The following LRRC38 variants were observed in gnomAD, a reference collection of about 807,000 sequenced individuals.
LRRC38 encodes the protein leucine-rich repeat-containing protein 38.
A neutral mutation model predicts 16.4 loss-of-function variants in LRRC38; 5 were observed. That is an observed-to-expected ratio of 0.31 (90% confidence interval 0.16 to 0.64). The LOEUF (loss-of-function observed/expected upper bound fraction) is 0.64. Ranked by LOEUF, LRRC38 falls within the 30% of genes least tolerant of loss-of-function variation. The pLI is 0.80. For synonymous variants in LRRC38, 191 were observed against 190.2 expected (o/e 1.00, Z -0.04); for missense variants, 341 against 401.8 (o/e 0.85, Z 1.29).
chr1:13,484,522 T>A (rs1385295568), intron 1 of LRRC38, among the ~76,000 whole-genome samples: 1 of 152,204 alleles, frequency 6.6e-6, no homozygotes, highest in Admixed American at 6.5e-5. Flanking sequence ...AGCTCCCCTA[T>A]CAGACAGATG....
rs1382369530 is a variant in LRRC38, at chr1:13,512,971, A to T, written c.623T>A (p.Leu208Gln). 1.7e-6 allele frequency: 2 copies of T among 1,171,632 alleles called. No homozygotes were observed. Among genetic ancestry groups the T allele is most frequent in the South Asian group, 2.6e-5 (2 of 76,396 alleles). 72.6% of individuals were successfully genotyped at this position (1,171,632 alleles called of 1,614,324 possible). A position where few individuals can be genotyped will look rare whatever the true frequency, so the allele number is the denominator to read the frequency against. The change falls in exon 1 of 2, where the codon CTG becomes CAG. Residue 208 changes from leucine (L) to glutamine (Q), a missense_variant. Transcript: ENST00000376085. ...TAGCCGGCTCGGCTCACCTTTGGGC[A>T]GTTTGGATGCGTTCTCCTGGATCCA... Reference protein sequence around the residue: ...FSWIQENASKLPKGLDEIQCS... With the variant: ...FSWIQENASKQPKGLDEIQCS...
chr1:13,497,676 C>T lies in LRRC38; in HGVS notation c.631+15287G>A, dbSNP rs112379871. 7.4e-4 allele frequency among the ~76,000 whole-genome samples: 113 copies of T among 152,046 alleles called. 1 individual carries two copies. The highest frequency in any genetic ancestry group is 2.5e-3 in the African/African-American group (104 of 41,474). ...ATGATTAATTTTTCCGTTGATTACACGCTGAAATGACATTTTGGGCCAAGC... is the reference window on the plus strand; with the variant it reads ...ATGATTAATTTTTCCGTTGATTACATGCTGAAATGACATTTTGGGCCAAGC... On this transcript the variant is annotated intron_variant, in intron 1 of 1. Transcript: ENST00000376085.
chr1:13,501,440 A>T lies in LRRC38; in HGVS notation c.631+11523T>A, dbSNP rs911844391. Among the ~76,000 whole-genome samples, 13 of 151,476 alleles carry T rather than the reference A, an allele frequency of 8.6e-5. 1 individual carries two copies. In the South Asian group the frequency reaches 2.7e-3, roughly 31 times the overall value. On this transcript the variant is annotated intron_variant, in intron 1 of 1. Coordinates refer to ENST00000376085, the MANE Select transcript of LRRC38 (RefSeq NM_001010847.2). ...TTTATTTATTTTGAGACGGAATCTC[A>T]CTCTGTTGCCCAGGCTGGGGTGCAG...
rs189418102 is a variant in LRRC38, at chr1:13,500,060, G to A, written c.631+12903C>T. On this transcript the variant is annotated intron_variant, in intron 1 of 1. Coordinates refer to ENST00000376085, the MANE Select transcript of LRRC38 (RefSeq NM_001010847.2). ...GAGGGCAGGAGTTGGAGATCAGCCT[G>A]GCCAGCATGGAGAAACCCCGTCTCT... Among the ~76,000 whole-genome samples the A allele has an allele frequency of 1.3e-3, 205 of 152,124 alleles. 1 individual carries two copies. Among genetic ancestry groups the A allele is most frequent in the African/African-American group, 4.7e-3 (197 of 41,500 alleles).
intron 1 of LRRC38, among the ~76,000 whole-genome samples, chr1:13,492,467 G>A (rs770449766): frequency 5.9e-5 from 9 of 152,230 alleles, no homozygotes; most frequent in African/African-American, 1.9e-4. Flanking sequence ...TTGGGAGGCC[G>A]AGGTGGGTGG....
chr1:13,507,970 C>T (rs1225622047), intron 1 of LRRC38, among the ~76,000 whole-genome samples: 1 of 152,208 alleles, frequency 6.6e-6, no homozygotes, highest in Non-Finnish European at 1.5e-5. Context: ...CTCAGTGGCT[C>T]ACGCCTGTAA....
At chr1:13,485,601 G>A (rs559465862) in intron 1 of LRRC38, among the ~76,000 whole-genome samples, 2 of 152,132 alleles carry the variant, frequency 1.3e-5, no homozygotes, top group South Asian at 4.2e-4. Context: ...GCTTGCACAA[G>A]TTATTGCCGG....
rs183607155 is a variant in LRRC38, at chr1:13,475,996, G to A, written c.735C>T (p.Leu245=). The change falls in exon 2 of 2, where the codon CTC becomes CTT. Residue 245 remains leucine (L), a synonymous_variant. Coordinates refer to ENST00000376085, the MANE Select transcript of LRRC38 (RefSeq NM_001010847.2). This position sits in a 1 kb window ranked among gnomAD's most constrained non-coding sequence, Gnocchi z 4.3. ...SFSECRFSLS[L]TDLCIIIFSG... is the part of the protein sequence containing the mutation. ...AGAAAATGATGATGCAGAGGTCTGT[G>A]AGTGACAGGCTGAACCTACACTCGC... 342 of 1,550,590 alleles carry A rather than the reference G, an allele frequency of 2.2e-4. 6 individuals are homozygous for A. In the Admixed American group the frequency reaches 6.5e-3, roughly 29 times the overall value.
chr1:13,493,166 G>C (rs951344286), intron 1 of LRRC38, among the ~76,000 whole-genome samples: 5 of 150,090 alleles, frequency 3.3e-5, no homozygotes, highest in Non-Finnish European at 5.9e-5. Context: ...AAATCAAGTT[G>C]CTTTTTTTTT....
chr1:13,501,868 T>C (rs1639154528), intron 1 of LRRC38, among the ~76,000 whole-genome samples: 1 of 152,088 alleles, frequency 6.6e-6, no homozygotes, highest in South Asian at 2.1e-4. Flanking sequence ...GTTCACACCA[T>C]TCTCCTGCCT....
chr1:13,475,997 A>G lies in LRRC38; in HGVS notation c.734T>C (p.Leu245Pro), dbSNP rs1462659955. Reference protein sequence around the residue: ...SFSECRFSLSLTDLCIIIFSG... With the variant: ...SFSECRFSLSPTDLCIIIFSG... ...GAAAATGATGATGCAGAGGTCTGTG[A>G]GTGACAGGCTGAACCTACACTCGCT... Residue 245 changes from leucine to proline, a missense_variant, in exon 2 of 2, where the codon CTC (leucine) becomes CCC (proline). Physicochemically the swap from Leu to Pro is moderately conservative, Grantham distance 98. Transcript: ENST00000376085. The surrounding 1 kb of genome is among the most constrained non-coding windows in gnomAD (Gnocchi z 4.3). 12 of 1,550,464 alleles carry G rather than the reference A, an allele frequency of 7.7e-6. No individual in the cohort carries two copies. The highest frequency in any genetic ancestry group is 1.4e-5 in the African/African-American group (1 of 73,034).
At chr1:13,498,702 C>T (rs1039099730) in intron 1 of LRRC38, among the ~76,000 whole-genome samples, 3 of 152,168 alleles carry the variant, frequency 2.0e-5, no homozygotes, top group Non-Finnish European at 4.4e-5. Flanking sequence ...GAGGCTGTAA[C>T]CCACTCCCTG....
chr1:13,486,041 C>A (rs1032242272), intron 1 of LRRC38, among the ~76,000 whole-genome samples: 1 of 152,148 alleles, frequency 6.6e-6, no homozygotes, highest in Non-Finnish European at 1.5e-5. Flanking sequence ...CGGGTTCAAG[C>A]GATTCTCCTG....
chr1:13,480,540 C>T (rs571995096), intron 1 of LRRC38, among the ~76,000 whole-genome samples: 6 of 152,274 alleles, frequency 3.9e-5, no homozygotes, highest in African/African-American at 1.4e-4. Flanking sequence ...TGTGTCCTCA[C>T]CCAAATCTCA....
At chr1:13,505,603 G>A (rs1639203350) in intron 1 of LRRC38, among the ~76,000 whole-genome samples, 1 of 152,184 alleles carries the variant, frequency 6.6e-6, no homozygotes, top group Non-Finnish European at 1.5e-5. Context: ...CTGGCCTCTT[G>A]GAGCCTGCAT....
chr1:13,505,436 G>A (rs1387594931), intron 1 of LRRC38, among the ~76,000 whole-genome samples: 2 of 152,154 alleles, frequency 1.3e-5, no homozygotes, highest in South Asian at 2.1e-4. Context: ...CAAAGCCACC[G>A]AGGGGTATTT....
intron 1 of LRRC38, among the ~76,000 whole-genome samples, chr1:13,479,901 C>T (rs1005441154): frequency 1.3e-5 from 2 of 152,200 alleles, no homozygotes; most frequent in African/African-American, 2.4e-5. Flanking sequence ...TTGTTTAAAC[C>T]AGGGTTTCTC....
chr1:13,489,762 A>G (rs1278145814), intron 1 of LRRC38, among the ~76,000 whole-genome samples: 1 of 152,300 alleles, frequency 6.6e-6, no homozygotes, highest in Admixed American at 6.5e-5. Flanking sequence ...CTCCACCACC[A>G]CTTTCATTAA....
chr1:13,507,972 C>T (rs191744754), intron 1 of LRRC38, among the ~76,000 whole-genome samples: 228 of 152,294 alleles, frequency 1.5e-3, no homozygotes, highest in African/African-American at 5.1e-3. Flanking sequence ...CAGTGGCTCA[C>T]GCCTGTAATA....
Sources: gnomAD v4.1 joint callset for allele counts (sites outside exome capture counted in the v4.1 genomes callset) on GRCh38, gnomAD v4.1.1 for gene constraint, Gnocchi (gnomAD v3.1) non-coding constraint, MANE v1.5 for transcripts, NCBI Gene and HGNC (gene_info 2026-07-23, HGNC 2026-07-21) for gene names.